The following PCDHA10 variants were observed in gnomAD, a reference collection of about 807,000 sequenced individuals.
PCDHA10 encodes protocadherin alpha 10, also known as protocadherin alpha-10.
PCDHA10 carries 45 observed loss-of-function variants against 61.2 expected under a neutral mutation model. The ratio of observed to expected loss-of-function variants is 0.74; its 90% CI spans 0.58 to 0.94. The LOEUF (loss-of-function observed/expected upper bound fraction) is 0.94, where lower values mean the gene tolerates loss of function less well. Ranked by LOEUF, PCDHA10 falls within the 40% of genes least tolerant of loss-of-function variation. The pLI is 0.00. For synonymous variants in PCDHA10, 602 were observed against 548.8 expected (o/e 1.10, Z -1.35); for missense variants, 1,278 against 1,236.2 (o/e 1.03, Z -0.51).
chr5:140,995,383 G>A (rs909887279), intron 3 of PCDHA10, among the ~76,000 whole-genome samples: 2 of 152,158 alleles, frequency 1.3e-5, no homozygotes, highest in African/African-American at 4.8e-5. Flanking sequence ...TACTGGGCAG[G>A]ATAAAGCGGG....
chr5:140,967,072 C>A, intron 1 of PCDHA10: 7 of 1,613,106 alleles, frequency 4.3e-6, no homozygotes, highest in Non-Finnish European at 5.9e-6. Context: ...TCTTCGTCAA[C>A]GAGCGCATTG....
chr5:140,926,799 T>A, intron 1 of PCDHA10: 2 of 1,456,322 alleles, frequency 1.4e-6, no homozygotes, highest in Non-Finnish European at 1.8e-6. Flanking sequence ...GAGCGTGCTC[T>A]TCCCCGCGGC....
chr5:140,891,418 C>G (rs2063090538), intron 1 of PCDHA10, among the ~76,000 whole-genome samples: 1 of 146,594 alleles, frequency 6.8e-6, no homozygotes, highest in Non-Finnish European at 1.5e-5. Flanking sequence ...CCACTCTTGC[C>G]CCCAAGTCCC....
At position 140,877,504 on chromosome 5, in the gene PCDHA10, A is replaced by T. The variant is rs532509235; in HGVS notation, c.2388+19068A>T. The T allele has an allele frequency of 1.1e-5, 18 of 1,613,764 alleles. No individual in the cohort carries two copies. The South Asian group carries it at 1.3e-4, about 12-fold the overall frequency. On this transcript the variant is annotated intron_variant, in intron 1 of 3. Coordinates refer to ENST00000307360, the MANE Select transcript of PCDHA10 (RefSeq NM_018901.4). ...GGTGGAGAACGGCCAGGCCCCAAAG[A>T]CGTCGTCGCGGGCCTCAGTGGGCGC...
At chr5:140,875,743 G>A (rs782705899) in intron 1 of PCDHA10, 7 of 1,614,108 alleles carry the variant, frequency 4.3e-6, no homozygotes, top group Non-Finnish European at 5.1e-6. Context: ...TTCTCGGATC[G>A]ACCGCGAGAA....
At chr5:140,864,048 T>G (rs1053633631) in intron 1 of PCDHA10, 9 of 152,932 alleles carry the variant, frequency 5.9e-5, no homozygotes, top group African/African-American at 2.2e-4. Flanking sequence ...CACTTTTTAC[T>G]ACAGTCACCA....
chr5:140,895,687 T>G (rs1417809630), intron 1 of PCDHA10, among the ~76,000 whole-genome samples: 2 of 152,184 alleles, frequency 1.3e-5, no homozygotes, highest in African/African-American at 4.8e-5. Flanking sequence ...GTTTTCTGTT[T>G]CTATATTAAT....
At chr5:140,989,582 G>A (rs1554250917) in intron 3 of PCDHA10, among the ~76,000 whole-genome samples, 1 of 152,200 alleles carries the variant, frequency 6.6e-6, no homozygotes, top group Non-Finnish European at 1.5e-5. Flanking sequence ...CCTGTCCTCA[G>A]CCTCACTGAC....
chr5:140,901,953 G>A (rs545807968), intron 1 of PCDHA10, among the ~76,000 whole-genome samples: 8 of 151,830 alleles, frequency 5.3e-5, no homozygotes, highest in Non-Finnish European at 7.4e-5. Flanking sequence ...AGTTTTATTC[G>A]TGGCTATCGT....
intron 1 of PCDHA10, among the ~76,000 whole-genome samples, chr5:140,923,177 A>G (rs1325033307): frequency 2.0e-5 from 3 of 152,174 alleles, no homozygotes; most frequent in African/African-American, 7.2e-5. Context: ...TTTTGTTCAG[A>G]TGCATCTACT....
chr5:140,877,409 G>C lies in PCDHA10; in HGVS notation c.2388+18973G>C, dbSNP rs782157769. The C allele has an allele frequency of 8.1e-6, 13 of 1,613,802 alleles. No homozygotes were observed. The highest frequency in any genetic ancestry group is 1.0e-5 in the Non-Finnish European group (12 of 1,179,880). Reference sequence around the variant, plus strand: ...GATGAGGCGGACGCTCCGCGCCACCGCCTGCTGGTGCTGGTGAAGGACCAC... The same window carrying C: ...GATGAGGCGGACGCTCCGCGCCACCCCCTGCTGGTGCTGGTGAAGGACCAC... On this transcript the variant is annotated intron_variant, in intron 1 of 3. Transcript: ENST00000307360.
rs142105240 is a variant in PCDHA10, at chr5:140,882,817, A to G, written c.2388+24381A>G. The G allele has an allele frequency of 5.3e-5, 86 of 1,614,242 alleles. 1 individual carries two copies. The African/African-American group carries it at 9.9e-4, about 19-fold the overall frequency. The stretch of plus-strand genomic sequence containing the variant: ...ACGATTATTTCACTTTGGACGCACA[A>G]AACAGTCTTGAGCAAATGTCTTCAT... On this transcript the variant is annotated intron_variant, in intron 1 of 3. Transcript: ENST00000307360.
intron 1 of PCDHA10, among the ~76,000 whole-genome samples, chr5:140,941,214 C>CCTTCTTTCTTTCTTT (rs1554214040): frequency 8.2e-6 from 1 of 122,414 alleles, no homozygotes; most frequent in Non-Finnish European, 1.7e-5. Context: ...TTTCTTTCTT[C>CCTTCTTTCTTTCTTT]CTTTCTTTCT....
At chr5:140,989,101 A>G (rs1293454775) in intron 3 of PCDHA10, 1 of 152,216 alleles carries the variant, frequency 6.6e-6, no homozygotes, top group African/African-American at 2.4e-5. Flanking sequence ...AGGAGAAACA[A>G]CTTTTGAATA....
intron 1 of PCDHA10, among the ~76,000 whole-genome samples, chr5:140,943,705 C>T (rs528361276): frequency 1.6e-4 from 25 of 152,150 alleles, no homozygotes; most frequent in Middle Eastern, 3.4e-3. Context: ...TATTGTGGAA[C>T]ACATTTAAAG....
rs782380359 is a variant in PCDHA10 at position 140,858,226 on chromosome 5, C to T, written c.2178C>T (p.Thr726=). ...CACTGAGGTGCTCGGCGGCGCCCAC[C>T]GAGGGCGCATGTGGGCCGGTGAAGC... ...YTALRCSAAP[T]EGACGPVKPT... Residue 726 remains threonine (T), a synonymous_variant, in exon 1 of 4, where the codon ACC becomes ACT. Transcript: ENST00000307360. 1.3e-5 allele frequency: 21 copies of T among 1,595,412 alleles called. 1 individual carries two copies. The highest frequency in any genetic ancestry group is 1.6e-5 in the Non-Finnish European group (19 of 1,165,410).
chr5:140,912,993 T>C (rs186652657), intron 1 of PCDHA10, among the ~76,000 whole-genome samples: 1 of 152,294 alleles, frequency 6.6e-6, no homozygotes, highest in Non-Finnish European at 1.5e-5. Flanking sequence ...TTCAGTTTGC[T>C]AGTATTTTGT....
chr5:140,929,437 A>G (rs533186503), intron 1 of PCDHA10: 1 of 1,453,986 alleles, frequency 6.9e-7, no homozygotes, highest in Non-Finnish European at 9.2e-7. Context: ...TGAACTAAAC[A>G]CTCCTTCTTA....
Position 140,857,057 on chromosome 5 carries a change from G to A in PCDHA10, c.1009G>A (p.Val337Met). The stretch of plus-strand genomic sequence containing the variant: ...TATGGTTGGTCACTGCACGGTCCTA[G>A]TGGAACTACTGGATGAAAATGATAA... ...PPMVGHCTVL[V>M]ELLDENDNSP... The change falls in exon 1 of 4, where the codon GTG (valine) becomes ATG (methionine). Residue 337 changes from valine (V) to methionine (M), a missense_variant. Val to Met is a conservative substitution (Grantham distance 21). Coordinates refer to ENST00000307360, the MANE Select transcript of PCDHA10 (RefSeq NM_018901.4). 6.3e-7 allele frequency: 1 copy of A among 1,596,192 alleles called. No homozygotes were observed. The highest frequency in any genetic ancestry group is 1.3e-5 in the African/African-American group (1 of 74,338).
Sources: gnomAD v4.1 joint callset for allele counts (sites outside exome capture counted in the v4.1 genomes callset) on GRCh38, gnomAD v4.1.1 for gene constraint, MANE v1.5 for transcripts, NCBI Gene and HGNC (gene_info 2026-07-23, HGNC 2026-07-21) for gene names.